ZNF831: variants seen among roughly 807,000 people sequenced by gnomAD.
ZNF831 encodes chromosome 20 open reading frame 174.
A neutral mutation model predicts 95.8 loss-of-function variants in ZNF831; 59 were observed. The ratio of observed to expected loss-of-function variants is 0.62; its 90% confidence interval spans 0.50 to 0.77. The LOEUF is 0.77. Among genes scored for constraint, ZNF831 ranks in the 30% least tolerant of loss-of-function variants. The pLI is 0.00. For missense variants in ZNF831, 2,205 were observed against 2,164.0 expected (o/e 1.02, Z -0.38); for synonymous variants, 961 against 925.5 (o/e 1.04, Z -0.70).
rs754853323 is a variant in ZNF831, at chr20:59,254,574, C to T, written c.4865C>T (p.Thr1622Ile). The T allele has an allele frequency of 6.2e-7, 1 of 1,614,106 alleles. No homozygotes were observed. Among genetic ancestry groups the T allele is most frequent in the South Asian group, 1.1e-5 (1 of 91,090 alleles). Residue 1622 changes from threonine (T) to isoleucine (I), a missense_variant, in exon 6 of 6, where the codon ACT becomes ATT. Transcript: ENST00000371030. The surrounding 1 kb of genome is among the most constrained non-coding windows in gnomAD (Gnocchi z 4.5). ...AAACGTCAGGTATCTGGATTAATCACTCGGAAAGATTCTGTGGTTCCTTCT... is the reference window on the plus strand; with the variant it reads ...AAACGTCAGGTATCTGGATTAATCATTCGGAAAGATTCTGTGGTTCCTTCT... ...GRKRQVSGLITRKDSVVPSKP... is the reference protein window; with the variant it reads ...GRKRQVSGLIIRKDSVVPSKP...
chr20:59,140,226 T>G (rs936549720), intron 1 of ZNF831, among the ~76,000 whole-genome samples: 4 of 152,180 alleles, frequency 2.6e-5, no homozygotes, highest in African/African-American at 7.2e-5. Flanking sequence ...TCAGTTCAAT[T>G]TTAGTTGAGT....
At chr20:59,236,593 A>T (rs1600669658) in intron 4 of ZNF831, among the ~76,000 whole-genome samples, 1 of 137,222 alleles carries the variant, frequency 7.3e-6, no homozygotes, top group Non-Finnish European at 1.5e-5. Context: ...GTGGGGTTGC[A>T]CCATGTTGTC....
At chr20:59,168,711 T>C (rs1379072665) in intron 1 of ZNF831, among the ~76,000 whole-genome samples, 1 of 152,230 alleles carries the variant, frequency 6.6e-6, no homozygotes, top group Non-Finnish European at 1.5e-5. Context: ...TTAAGTATAA[T>C]GTAAACTTTG....
At chr20:59,253,755 C>T (rs1453201458) in intron 5 of ZNF831, 143 bp from the exon 6 acceptor site, 30 of 857,524 alleles carry the variant, frequency 3.5e-5, no homozygotes, top group Middle Eastern at 3.7e-4. Context: ...TTATTGAGGG[C>T]GTCATATTGA....
chr20:59,139,324 C>T (rs1300041152), intron 1 of ZNF831, among the ~76,000 whole-genome samples: 1 of 152,042 alleles, frequency 6.6e-6, no homozygotes, highest in African/African-American at 2.4e-5. Flanking sequence ...ATACAGTCCA[C>T]TTACTGTATT....
intron 3 of ZNF831, among the ~76,000 whole-genome samples, chr20:59,203,298 G>A (rs1447825895): frequency 3.9e-5 from 6 of 152,048 alleles, no homozygotes; most frequent in South Asian, 2.1e-4. Context: ...CATGAGCAAC[G>A]CATTATTTAT....
chr20:59,243,096 C>T (rs1987418600), intron 4 of ZNF831, among the ~76,000 whole-genome samples: 1 of 152,196 alleles, frequency 6.6e-6, no homozygotes, highest in South Asian at 2.1e-4. Flanking sequence ...CAAGGCAGGG[C>T]AGGGGATGAG....
intron 4 of ZNF831, among the ~76,000 whole-genome samples, chr20:59,230,490 A>G (rs1169347421): frequency 2.0e-5 from 3 of 152,086 alleles, no homozygotes; most frequent in African/African-American, 7.3e-5. Flanking sequence ...ACAAAAATAA[A>G]TAAATAAATA....
intron 3 of ZNF831, among the ~76,000 whole-genome samples, chr20:59,199,980 C>G (rs1984410270): frequency 6.6e-6 from 1 of 152,076 alleles, no homozygotes; most frequent in African/African-American, 2.4e-5. Flanking sequence ...TTGCTGGGTA[C>G]ACAATTCTAG....
chr20:59,207,968 T>C (rs1039489875), intron 4 of ZNF831, among the ~76,000 whole-genome samples: 4 of 152,174 alleles, frequency 2.6e-5, no homozygotes, highest in African/African-American at 9.7e-5. Flanking sequence ...GGCACTTGAG[T>C]GCTCTCCCCA....
intron 3 of ZNF831, among the ~76,000 whole-genome samples, chr20:59,205,802 A>G (rs1346716535): frequency 1.3e-5 from 2 of 152,256 alleles, no homozygotes; most frequent in Admixed American, 1.3e-4. Flanking sequence ...GGCATATTGC[A>G]GGCCTGGCTC....
rs1568752993 is a variant in ZNF831, at chr20:59,192,137, C to T, written c.1118C>T (p.Ser373Phe). 2 of 1,568,062 alleles carry T rather than the reference C, an allele frequency of 1.3e-6. No homozygotes were observed. The highest frequency in any genetic ancestry group is 8.6e-7 in the Non-Finnish European group (1 of 1,163,458). The change falls in exon 2 of 6, where the codon TCC becomes TTC. Residue 373 changes from serine (S) to phenylalanine (F), a missense_variant. Ser to Phe is a radical substitution (Grantham distance 155). Coordinates refer to ENST00000371030, the MANE Select transcript of ZNF831 (RefSeq NM_178457.3). The surrounding 1 kb of genome is among the most constrained non-coding windows in gnomAD (Gnocchi z 5.2). ...AGCCTTTCGGAGCACAGCGCCGAGTCCGAGGGGGAGGGCGGCCCGGGCCCG... is the reference window on the plus strand; with the variant it reads ...AGCCTTTCGGAGCACAGCGCCGAGTTCGAGGGGGAGGGCGGCCCGGGCCCG... ...LHSLSEHSAESEGEGGPGPGP... is the reference protein window; with the variant it reads ...LHSLSEHSAEFEGEGGPGPGP...
chr20:59,129,249 G>A (rs988967509), intron 1 of ZNF831, among the ~76,000 whole-genome samples: 4 of 152,048 alleles, frequency 2.6e-5, no homozygotes, highest in Non-Finnish European at 4.4e-5. Flanking sequence ...ATGTGCATGT[G>A]TGTATGTGTG....
In ZNF831 at chr20:59,252,833, A is replaced by G; in HGVS notation, c.4028-145A>G. ...TTGACCAAATGTGAATTGGTTGGAGATAAATTGAGTTCTTGCACACACCCT... is the reference window on the plus strand; with the variant it reads ...TTGACCAAATGTGAATTGGTTGGAGGTAAATTGAGTTCTTGCACACACCCT... On this transcript the variant is annotated intron_variant, in intron 4 of 5. Coordinates refer to ENST00000371030, the MANE Select transcript of ZNF831 (RefSeq NM_178457.3). The G allele has an allele frequency of 5.3e-6, 4 of 750,782 alleles. No individual in the cohort carries two copies. In the East Asian group the frequency reaches 8.5e-5, roughly 16 times the overall value. The allele number at this position is 750,782 out of a possible 1,614,324, so 46.5% of individuals were successfully genotyped here.
intron 4 of ZNF831, among the ~76,000 whole-genome samples, chr20:59,236,741 T>A (rs1314884525): frequency 6.6e-6 from 1 of 152,066 alleles, no homozygotes; most frequent in African/African-American, 2.4e-5. Context: ...GACAAAGATG[T>A]TTTTTGTGGA....
chr20:59,155,661 T>C (rs1396258045), intron 2 of ZNF831, among the ~76,000 whole-genome samples: 1 of 152,208 alleles, frequency 6.6e-6, no homozygotes, highest in East Asian at 1.9e-4. Flanking sequence ...GGCCGCACTG[T>C]CTACCCTGAG....
upstream of ZNF831, among the ~76,000 whole-genome samples, chr20:59,161,861 T>C (rs900571746): frequency 6.6e-6 from 1 of 152,232 alleles, no homozygotes; most frequent in East Asian, 1.9e-4. Flanking sequence ...GGGGTTGAAC[T>C]AATTTACATT....
upstream of ZNF831, chr20:59,160,163 A>T (rs963051010): frequency 6.6e-5 from 10 of 152,502 alleles, no homozygotes; most frequent in South Asian, 2.1e-4. Context: ...ACTCCAGAAG[A>T]GGAGAGAGGA....
At chr20:59,211,627 T>A (rs1352773139) in intron 4 of ZNF831, among the ~76,000 whole-genome samples, 1 of 152,192 alleles carries the variant, frequency 6.6e-6, no homozygotes, top group Non-Finnish European at 1.5e-5. Context: ...CTGAGGGCAC[T>A]GGGTGTTTGA....
Sources: gnomAD v4.1 joint callset for allele counts (sites outside exome capture counted in the v4.1 genomes callset) on GRCh38, gnomAD v4.1.1 for gene constraint, Gnocchi (gnomAD v3.1) non-coding constraint, MANE v1.5 for transcripts, NCBI Gene and HGNC (gene_info 2026-07-23, HGNC 2026-07-21) for gene names.